CFAP43: variants seen among roughly 807,000 people sequenced by gnomAD.
CFAP43 encodes cilia- and flagella-associated protein 43.
A neutral mutation model predicts 218.9 loss-of-function variants in CFAP43; 155 were observed. That is an observed-to-expected ratio of 0.71 (90% CI 0.62 to 0.81). The LOEUF is 0.81. Among genes scored for constraint, CFAP43 ranks in the 30% least tolerant of loss-of-function variants. The pLI is 0.00. For synonymous variants in CFAP43, 645 were observed against 681.3 expected (o/e 0.95, Z 0.83); for missense variants, 1,778 against 1,954.3 (o/e 0.91, Z 1.70).
At chr10:104,166,062 GTTAT>G (rs780184625) in intron 23 of CFAP43, among the ~76,000 whole-genome samples, 3 of 151,988 alleles carry the variant, frequency 2.0e-5, no homozygotes, top group Non-Finnish European at 4.4e-5. Flanking sequence ...TCTATGTATT[GTTAT>G]TTATTTATTT....
Position 104,182,826 on chromosome 10 carries a change from C to T in CFAP43, c.2142-313G>A, listed in dbSNP as rs528618199. Among the ~76,000 whole-genome samples, 8 of 152,236 alleles carry T rather than the reference C, an allele frequency of 5.3e-5. No individual in the cohort carries two copies. The East Asian group carries it at 1.5e-3, about 29-fold the overall frequency. On this transcript the variant is annotated intron_variant, in intron 16 of 37. Transcript: ENST00000357060. ...TCCTGGGCTCAAATGATCCTTTCACCTCAGCCTCTAGAGTAGCTGGGACTA... is the reference window on the plus strand; with the variant it reads ...TCCTGGGCTCAAATGATCCTTTCACTTCAGCCTCTAGAGTAGCTGGGACTA...
intron 6 of CFAP43, 67 bp downstream of exon 6, chr10:104,207,598 A>G (rs2090732238): frequency 1.2e-5 from 18 of 1,477,196 alleles, no homozygotes; most frequent in Non-Finnish European, 1.6e-5. Context: ...GAAAGAGAAA[A>G]ATAGGGAAAA....
chr10:104,160,834 C>T (rs530914326), intron 27 of CFAP43, among the ~76,000 whole-genome samples: 1 of 152,256 alleles, frequency 6.6e-6, no homozygotes, highest in East Asian at 1.9e-4. Flanking sequence ...TTTAAAAAAA[C>T]TATTGCTGTA....
At chr10:104,204,129 T>G (rs2090613113) in intron 7 of CFAP43, among the ~76,000 whole-genome samples, 1 of 152,188 alleles carries the variant, frequency 6.6e-6, no homozygotes. Context: ...AAGTAGAGTT[T>G]GTGTGGCTTG....
chr10:104,166,808 C>G, intron 22 of CFAP43, 90 bp from the exon 23 acceptor site: 5 of 1,154,620 alleles, frequency 4.3e-6, no homozygotes, highest in Non-Finnish European at 6.2e-6. Context: ...TTTCAACAAT[C>G]ATTTTAATTT....
chr10:104,133,230 G>GTGTT (rs2087279982), intron 35 of CFAP43, among the ~76,000 whole-genome samples: 1 of 152,192 alleles, frequency 6.6e-6, no homozygotes, highest in Non-Finnish European at 1.5e-5. Context: ...AAATCTTGAA[G>GTGTT]AACGGCTATA....
chr10:104,143,385 T>A (rs1378540436), intron 32 of CFAP43, 41 bp downstream of exon 32: 15 of 1,536,698 alleles, frequency 9.8e-6, no homozygotes, highest in Non-Finnish European at 1.8e-6. Context: ...GTATTTGATA[T>A]TAGTACACTA....
rs944028897 is a variant in CFAP43 at position 104,230,986 on chromosome 10, A to T, written c.66-143T>A. On this transcript the variant is annotated intron_variant, in intron 1 of 37. Transcript: ENST00000357060. ...CCCAATTTCTAAGATAAAAGAACAC[A>T]CATGCTGGCTGTGAGATCCATTTGA... is the stretch of plus-strand genomic sequence containing the variant. 3.1e-5 allele frequency: 28 copies of T among 913,348 alleles called. No individual in the cohort carries two copies. In the African/African-American group the frequency reaches 4.5e-4, roughly 15 times the overall value. 56.6% of individuals were successfully genotyped at this position (913,348 alleles called of 1,614,324 possible). A position where few individuals can be genotyped will look rare whatever the true frequency, so the allele number is the denominator to read the frequency against.
intron 8 of CFAP43, among the ~76,000 whole-genome samples, chr10:104,202,260 A>C (rs2090555526): frequency 1.3e-5 from 2 of 152,226 alleles, no homozygotes; most frequent in South Asian, 4.1e-4. Context: ...TATTAGTCTA[A>C]CTGAAATTCC....
At chr10:104,217,838 T>C (rs538502840) in intron 3 of CFAP43, among the ~76,000 whole-genome samples, 2 of 152,308 alleles carry the variant, frequency 1.3e-5, no homozygotes, top group South Asian at 4.1e-4. Flanking sequence ...AAGGGGACTT[T>C]CTCTCAATAA....
chr10:104,194,599 G>A (rs1010960311), intron 10 of CFAP43, among the ~76,000 whole-genome samples: 2 of 152,084 alleles, frequency 1.3e-5, no homozygotes, highest in Admixed American at 6.5e-5. Context: ...GAAAATAACT[G>A]TATCACCGGA....
At chr10:104,157,767 TGTGTGTGTGAGAGAGAGAGAGA>T (rs2088635807) in intron 27 of CFAP43, among the ~76,000 whole-genome samples, 3 of 118,690 alleles carry the variant, frequency 2.5e-5, no homozygotes, top group Non-Finnish European at 3.4e-5. Flanking sequence ...TGTGTGTGTG[TGTGTGTGTGAGAGAGAGAGAGA>T]GAGAGAGAGA....
intron 3 of CFAP43, among the ~76,000 whole-genome samples, chr10:104,223,396 C>G (rs1331824437): frequency 6.6e-6 from 1 of 152,192 alleles, no homozygotes; most frequent in African/African-American, 2.4e-5. Context: ...AGGTATGATG[C>G]ATACTTTTAG....
intron 2 of CFAP43, 79 bp downstream of exon 2, chr10:104,230,511 T>C (rs2091421439): frequency 6.6e-7 from 1 of 1,506,950 alleles, no homozygotes; most frequent in African/African-American, 1.4e-5. Flanking sequence ...AAAAAATAAA[T>C]CTTCACTTAT....
At chr10:104,192,602 T>C (rs1213207651) in intron 11 of CFAP43, 2 of 307,232 alleles carry the variant, frequency 6.5e-6, no homozygotes, top group African/African-American at 2.3e-5. Flanking sequence ...GCTTTCTTGA[T>C]GTTTCAAGCG....
Position 104,189,841 on chromosome 10 carries a change from A to G in CFAP43, c.1547-1431T>C, listed in dbSNP as rs1564777276. ...AACATAGAGAGACATTTTCTCTACTAAAAAACAAAACAAAACAAAACAAAC... is the reference window on the plus strand; with the variant it reads ...AACATAGAGAGACATTTTCTCTACTGAAAAACAAAACAAAACAAAACAAAC... On this transcript the variant is annotated intron_variant, in intron 12 of 37. Transcript: ENST00000357060. Among the ~76,000 whole-genome samples, 2 of 152,136 alleles carry G rather than the reference A, an allele frequency of 1.3e-5. 1 individual carries two copies. The highest frequency in any genetic ancestry group is 4.8e-5 in the African/African-American group (2 of 41,424).
At chr10:104,216,623 A>G (rs1321556463) in intron 3 of CFAP43, among the ~76,000 whole-genome samples, 3 of 152,112 alleles carry the variant, frequency 2.0e-5, no homozygotes, top group African/African-American at 7.2e-5. Flanking sequence ...GAGTTGGTGG[A>G]TAAATTCTCA....
chr10:104,225,655 C>T (rs557818149), intron 2 of CFAP43, 98 bp from the exon 3 acceptor site: 630 of 984,440 alleles, frequency 6.4e-4, no homozygotes, highest in Non-Finnish European at 7.7e-4. Context: ...ATGATTTTCA[C>T]GTAATTCAAA....
rs780611189 is a variant in CFAP43, at chr10:104,212,119, T to A, written c.623A>T (p.Asn208Ile). The change falls in exon 5 of 38, where the codon AAT (asparagine) becomes ATT (isoleucine). Residue 208 changes from asparagine to isoleucine, a missense_variant. Physicochemically the swap from Asn to Ile is moderately radical, Grantham distance 149. Coordinates refer to ENST00000357060, the MANE Select transcript of CFAP43 (RefSeq NM_025145.7). ...CTGGGGGAAAACGACATCCGTTTCA[T>A]TAAAAAATGACCCATCTTCTAGAGG... ...KLPLEDGSFF[N>I]ETDVVFPQSL... 1.4e-5 allele frequency: 22 copies of A among 1,613,800 alleles called. No homozygotes were observed. The highest frequency in any genetic ancestry group is 1.8e-5 in the Non-Finnish European group (21 of 1,179,928).
Sources: allele counts gnomAD v4.1 joint callset (sites outside exome capture counted in the v4.1 genomes callset), GRCh38; gene constraint gnomAD v4.1.1; transcripts MANE v1.5; gene names NCBI Gene and HGNC (gene_info 2026-07-23, HGNC 2026-07-21).